The following C2orf68 variants were observed in gnomAD, a reference collection of about 807,000 sequenced individuals.
The protein encoded by C2orf68 is UPF0561 protein C2orf68.
Under a neutral mutation model 19.1 loss-of-function variants are expected in C2orf68, and 15 were observed. The observed-to-expected ratio is 0.79, with a 90% CI of 0.53 to 1.21. The LOEUF is 1.21. C2orf68 is among the 50% of genes most tolerant of loss of function. The pLI, the probability that C2orf68 is intolerant of heterozygous loss-of-function variation, is 0.00. For missense variants in C2orf68, 242 were observed against 226.6 expected (o/e 1.07, Z -0.44); for synonymous variants, 98 against 91.0 (o/e 1.08, Z -0.44).
At position 85,612,022 on chromosome 2, in the gene C2orf68, G is replaced by A; in HGVS notation, c.-38C>T. The A allele has an allele frequency of 7.1e-7, 1 of 1,417,498 alleles. No individual in the cohort carries two copies. The highest frequency in any genetic ancestry group is 9.3e-7 in the Non-Finnish European group (1 of 1,073,608). The allele number at this position is 1,417,498 out of a possible 1,614,324, so 87.8% of individuals were successfully genotyped here. A position where few individuals can be genotyped will look rare whatever the true frequency, so the allele number is the denominator to read the frequency against. On this transcript the variant is annotated 5_prime_UTR_variant, in exon 1 of 4. Transcript: ENST00000306336. ...ACGCAGAGTCGCCGCCGCCTCGACGGCCCCAACAACAGCCACCCGCCCACA... is the reference window on the plus strand; with the variant it reads ...ACGCAGAGTCGCCGCCGCCTCGACGACCCCAACAACAGCCACCCGCCCACA...
Position 85,606,540 on chromosome 2 carries a change from T to C in C2orf68, c.*2405A>G, listed in dbSNP as rs760227270. On this transcript the variant is annotated 3_prime_UTR_variant, in exon 4 of 4. Transcript: ENST00000306336. ...GTAGAGAGGGCAGTAGCATCTCCGA[T>C]AGGCCAGCTCTGAAGGAAGCTTAAT... 4.6e-5 allele frequency: 7 copies of C among 152,238 alleles called. No homozygotes were observed. Among genetic ancestry groups the C allele is most frequent in the African/African-American group, 4.8e-5 (2 of 41,464 alleles). The allele number at this position is 152,238 out of a possible 1,614,324, so 9.4% of individuals were successfully genotyped here. A position where few individuals can be genotyped will look rare whatever the true frequency, so the allele number is the denominator to read the frequency against.
In C2orf68 at chr2:85,607,473, G is replaced by A. The variant is rs1351163155; in HGVS notation, c.*1472C>T. On this transcript the variant is annotated 3_prime_UTR_variant, in exon 4 of 4. Transcript: ENST00000306336. Reference sequence around the variant, plus strand: ...GCACTTAACCTTGACCAGCTCTGTAGGTCTGGAGCATTCTGGTCCCTGGCC... The same window carrying A: ...GCACTTAACCTTGACCAGCTCTGTAAGTCTGGAGCATTCTGGTCCCTGGCC... The A allele has an allele frequency of 1.3e-5, 2 of 152,240 alleles. No homozygotes were observed. The highest frequency in any genetic ancestry group is 2.4e-5 in the African/African-American group (1 of 41,466). 9.4% of individuals were successfully genotyped at this position (152,240 alleles called of 1,614,324 possible).
Position 85,605,636 on chromosome 2 carries a change from A to G in C2orf68, c.*3309T>C, listed in dbSNP as rs979462229. 1.3e-5 allele frequency among the ~76,000 whole-genome samples: 2 copies of G among 152,240 alleles called. No homozygotes were observed. The highest frequency in any genetic ancestry group is 4.8e-5 in the African/African-American group (2 of 41,470). ...TGACTCTCCCCAAAAATCTAGTGGTAGGAAAATAATCTGTACTTATTCCTC... is the reference window on the plus strand; with the variant it reads ...TGACTCTCCCCAAAAATCTAGTGGTGGGAAAATAATCTGTACTTATTCCTC... On this transcript the variant is annotated 3_prime_UTR_variant, in exon 4 of 4. Transcript: ENST00000306336.
Position 85,612,046 on chromosome 2 carries a change from C to T in C2orf68, c.-62G>A. ...GGCCCCAACAACAGCCACCCGCCCA[C>T]AGAGCTCCGCGCCGCCCCTTGCTCA... On this transcript the variant is annotated 5_prime_UTR_variant, in exon 1 of 4. In the 5' UTR this introduces an upstream ATG that the reference lacks. Coordinates refer to ENST00000306336, the MANE Select transcript of C2orf68 (RefSeq NM_001013649.4). The T allele has an allele frequency of 1.6e-6, 2 of 1,242,052 alleles. No homozygotes were observed. The highest frequency in any genetic ancestry group is 2.2e-6 in the Non-Finnish European group (2 of 924,586). 76.9% of individuals were successfully genotyped at this position (1,242,052 alleles called of 1,614,324 possible).
Position 85,609,107 on chromosome 2 carries a change from C to T in C2orf68, c.379-40G>A, listed in dbSNP as rs555272397. ...AGTCAGAAGGCTCAGGGCCTGGCCT[C>T]TTCCAGAAAGGTGACCTGCCCTGTC... On this transcript the variant is annotated intron_variant, in intron 3 of 3. Transcript: ENST00000306336. 228 of 1,607,082 alleles carry T rather than the reference C, an allele frequency of 1.4e-4. 2 individuals carry two copies. In the South Asian group the frequency reaches 2.4e-3, roughly 17 times the overall value.
At position 85,606,538 on chromosome 2, in the gene C2orf68, G is replaced by A. The variant is rs557948211; in HGVS notation, c.*2407C>T. On this transcript the variant is annotated 3_prime_UTR_variant, in exon 4 of 4. Transcript: ENST00000306336. Reference sequence around the variant, plus strand: ...CTGTAGAGAGGGCAGTAGCATCTCCGATAGGCCAGCTCTGAAGGAAGCTTA... The same window carrying A: ...CTGTAGAGAGGGCAGTAGCATCTCCAATAGGCCAGCTCTGAAGGAAGCTTA... 2 of 152,326 alleles carry A rather than the reference G, an allele frequency of 1.3e-5. No individual in the cohort carries two copies. The highest frequency in any genetic ancestry group is 2.4e-5 in the African/African-American group (1 of 41,570). 9.4% of individuals were successfully genotyped at this position (152,326 alleles called of 1,614,324 possible).
At chr2:85,611,821 G>A in intron 1 of C2orf68, 35 bp from the exon 2 acceptor site, 1 of 1,607,272 alleles carries the variant, frequency 6.2e-7, no homozygotes, top group Non-Finnish European at 8.5e-7. Flanking sequence ...GGGACTGTCG[G>A]GCCGGGCCAG....
rs1162321267 is a variant in C2orf68, at chr2:85,608,086, T to C, written c.*859A>G. ...GTTCCCACTTGTTTATAATTCCCTTTTAGTCTGAGCAGAGGACAGTCTGTT... is the reference window on the plus strand; with the variant it reads ...GTTCCCACTTGTTTATAATTCCCTTCTAGTCTGAGCAGAGGACAGTCTGTT... On this transcript the variant is annotated 3_prime_UTR_variant, in exon 4 of 4. Transcript: ENST00000306336. The C allele has an allele frequency of 6.6e-6, 1 of 152,214 alleles. No individual in the cohort carries two copies. The highest frequency in any genetic ancestry group is 1.5e-5 in the Non-Finnish European group (1 of 68,048). 9.4% of individuals were successfully genotyped at this position (152,214 alleles called of 1,614,324 possible).
At position 85,612,038 on chromosome 2, in the gene C2orf68, C is replaced by G. The variant is rs1272278340; in HGVS notation, c.-54G>C. The G allele has an allele frequency of 7.7e-7, 1 of 1,307,058 alleles. No individual in the cohort carries two copies. The highest frequency in any genetic ancestry group is 2.9e-5 in the Admixed American group (1 of 34,548). The allele number at this position is 1,307,058 out of a possible 1,614,324, so 81.0% of individuals were successfully genotyped here. ...GCCTCGACGGCCCCAACAACAGCCA[C>G]CCGCCCACAGAGCTCCGCGCCGCCC... On this transcript the variant is annotated 5_prime_UTR_variant, in exon 1 of 4. Coordinates refer to ENST00000306336, the MANE Select transcript of C2orf68 (RefSeq NM_001013649.4).
intron 3 of C2orf68, 115 bp from the exon 4 acceptor site, chr2:85,609,182 C>T: frequency 7.1e-7 from 1 of 1,412,224 alleles, no homozygotes; most frequent in Non-Finnish European, 9.6e-7. Flanking sequence ...TTTGCCAGCA[C>T]CTGTCATTTC....
Position 85,605,590 on chromosome 2 carries a change from GTAAT to G in C2orf68, c.*3351_*3354del, listed in dbSNP as rs774430362. On this transcript the variant is annotated 3_prime_UTR_variant, in exon 4 of 4. Transcript: ENST00000306336. ...AGCAAGGGAGCTTAAAATATTTTAAGTAATTGTCAACATTCCATGGTGACTCTCC... is the reference window on the plus strand; with the variant it reads ...AGCAAGGGAGCTTAAAATATTTTAAGTGTCAACATTCCATGGTGACTCTCC... Among the ~76,000 whole-genome samples the G allele has an allele frequency of 9.2e-5, 14 of 152,202 alleles. No individual in the cohort carries two copies. The highest frequency in any genetic ancestry group is 8.3e-4 in the South Asian group (4 of 4,834).
At position 85,609,549 on chromosome 2, in the gene C2orf68, C is replaced by T; in HGVS notation, c.264G>A (p.Glu88=). 1 of 1,614,190 alleles carries T rather than the reference C, an allele frequency of 6.2e-7. No homozygotes were observed. Among genetic ancestry groups the T allele is most frequent in the Non-Finnish European group, 8.5e-7 (1 of 1,180,038 alleles). ...CTCCACTACTGCTGCTTTCACCGGA[C>T]TCTTCATAGTCTGGGTTGCGTGGGT... ...SAHPRNPDYE[E]SGESSSSGGS... is the part of the protein sequence containing the mutation. Residue 88 remains glutamate, a synonymous_variant, in exon 3 of 4, where the codon GAG becomes GAA. Transcript: ENST00000306336.
rs1217091738 is a variant in C2orf68, at chr2:85,605,807, G to C, written c.*3138C>G. On this transcript the variant is annotated 3_prime_UTR_variant, in exon 4 of 4. Coordinates refer to ENST00000306336, the MANE Select transcript of C2orf68 (RefSeq NM_001013649.4). ...CCCACCTGGATGGGGCCAATCTCTA[G>C]TTGACAGTGCCCCTCAGAGTGCACC... is the stretch of plus-strand genomic sequence containing the variant. 5.3e-5 allele frequency among the ~76,000 whole-genome samples: 8 copies of C among 152,224 alleles called. No homozygotes were observed. The highest frequency in any genetic ancestry group is 2.6e-4 in the Admixed American group (4 of 15,288).
intron 2 of C2orf68, among the ~76,000 whole-genome samples, chr2:85,610,012 G>GTT (rs1673405802): frequency 2.9e-5 from 4 of 137,764 alleles, no homozygotes; most frequent in African/African-American, 1.2e-4. Context: ...CAGTGTAAGT[G>GTT]GTTTTTTTTT....
chr2:85,609,360 C>T (rs1007855554), intron 3 of C2orf68, 75 bp downstream of exon 3: 54 of 1,553,404 alleles, frequency 3.5e-5, no homozygotes, highest in Admixed American at 2.3e-4. Context: ...CTGAGGAAAA[C>T]AGGGCTCAGG....
At chr2:85,611,463 C>T (rs993059275) in intron 2 of C2orf68, 9 of 1,545,422 alleles carry the variant, frequency 5.8e-6, no homozygotes, top group Non-Finnish European at 7.9e-6. Context: ...ACTCTGACAG[C>T]GATGCTTAAC....
intron 2 of C2orf68, 33 bp from the exon 3 acceptor site, chr2:85,609,619 G>C (rs200832393): frequency 8.1e-6 from 13 of 1,612,666 alleles, no homozygotes; most frequent in Middle Eastern, 1.7e-4. Context: ...GAAAGAAGAG[G>C]GGGGGTGCTG....
rs5832651 is a variant in C2orf68 at position 85,608,701 on chromosome 2, CAAAAAAAAAAAAA to C, written c.*231_*243del. The C allele has an allele frequency of 1.2e-3, 64 of 55,446 alleles. 1 individual carries two copies. In the East Asian group the frequency reaches 0.02, roughly 17 times the overall value. The allele number at this position is 55,446 out of a possible 1,614,324, so 3.4% of individuals were successfully genotyped here. A position where few individuals can be genotyped will look rare whatever the true frequency, so the allele number is the denominator to read the frequency against. On this transcript the variant is annotated 3_prime_UTR_variant, in exon 4 of 4. Transcript: ENST00000306336. ...GAACACATTAGCCACACAAAATCCT[CAAAAAAAAAAAAA>C]AAAAAAAAAAAAAAAGAATTCCAGA...
rs896417757 is a variant in C2orf68 at position 85,606,036 on chromosome 2, T to G, written c.*2909A>C. ...TGCACAGCCCCAAACCCTTGGAAAC[T>G]CAGCTTCGTTCTATCAGTGACATCA... On this transcript the variant is annotated 3_prime_UTR_variant, in exon 4 of 4. Coordinates refer to ENST00000306336, the MANE Select transcript of C2orf68 (RefSeq NM_001013649.4). 6.6e-6 allele frequency among the ~76,000 whole-genome samples: 1 copy of G among 152,226 alleles called. No individual in the cohort carries two copies. Among genetic ancestry groups the G allele is most frequent in the Non-Finnish European group, 1.5e-5 (1 of 68,036 alleles).
Sources: gnomAD v4.1 joint callset for allele counts (sites outside exome capture counted in the v4.1 genomes callset) on GRCh38, gnomAD v4.1.1 for gene constraint, MANE v1.5 for transcripts, NCBI Gene and HGNC (gene_info 2026-07-23, HGNC 2026-07-21) for gene names.